The following SAMD12 variants were observed in gnomAD, a reference collection of about 807,000 sequenced individuals.
SAMD12 encodes the protein sterile alpha motif domain-containing protein 12.
Under a neutral mutation model 15.0 loss-of-function variants are expected in SAMD12, and 9 were observed. The ratio of observed to expected loss-of-function variants is 0.60; its 90% CI spans 0.36 to 1.05. SAMD12 has a LOEUF of 1.05. Among genes scored for constraint, SAMD12 ranks in the 50% least tolerant of loss-of-function variants. The pLI is 0.01. For missense variants in SAMD12, 230 were observed against 234.2 expected (o/e 0.98, Z 0.12); for synonymous variants, 86 against 90.1 (o/e 0.96, Z 0.25).
chr8:118,222,932 T>C (rs1026051565), intron 4 of SAMD12, among the ~76,000 whole-genome samples: 1 of 152,148 alleles, frequency 6.6e-6, no homozygotes, highest in Non-Finnish European at 1.5e-5. Context: ...ACAGGTTTAA[T>C]GCACAGGGGC....
At chr8:118,546,289 T>G (rs1752392375) in intron 2 of SAMD12, among the ~76,000 whole-genome samples, 1 of 152,148 alleles carries the variant, frequency 6.6e-6, no homozygotes, top group South Asian at 2.1e-4. Context: ...AGAGGTGGAA[T>G]TGGGAGGGGT....
intron 2 of SAMD12, among the ~76,000 whole-genome samples, chr8:118,451,602 G>C (rs529981614): frequency 6.6e-6 from 1 of 152,324 alleles, no homozygotes; most frequent in African/African-American, 2.4e-5. Flanking sequence ...TTATAGAAAA[G>C]AGAGGGCTGA....
chr8:118,464,918 A>G (rs1388006957), intron 2 of SAMD12, among the ~76,000 whole-genome samples: 2 of 152,164 alleles, frequency 1.3e-5, no homozygotes, highest in Non-Finnish European at 2.9e-5. Flanking sequence ...ACATAAATTA[A>G]TAGATGCTAT....
At chr8:118,360,763 C>T (rs7004575) in intron 4 of SAMD12, among the ~76,000 whole-genome samples, 33,513 of 152,170 alleles carry the variant, frequency 0.22, 4,328 homozygotes, top group African/African-American at 0.34. Context: ...GCATCAGTGC[C>T]AGTTTCTACC....
chr8:118,275,006 A>T (rs77012938), intron 4 of SAMD12, among the ~76,000 whole-genome samples: 6,203 of 152,230 alleles, frequency 0.041, 417 homozygotes, highest in African/African-American at 0.14. Context: ...ATATTATGCT[A>T]TGTTGTGATA....
chr8:118,451,108 G>A (rs892664390), intron 2 of SAMD12, among the ~76,000 whole-genome samples: 1 of 152,138 alleles, frequency 6.6e-6, no homozygotes, highest in Admixed American at 6.5e-5. Flanking sequence ...TGCTTAGAAA[G>A]GTAAAGTAAC....
At chr8:118,193,889 A>C (rs149730044) in exon 5 of SAMD12, 1 of 152,348 alleles carries the variant, frequency 6.6e-6, no homozygotes, top group Admixed American at 6.5e-5. Context: ...TTTTCAAAAG[A>C]GTCTAAGACG....
chr8:118,180,374 T>G, the SAMD12 span, among the ~76,000 whole-genome samples: 28 of 152,280 alleles, frequency 1.8e-4, no homozygotes, highest in Non-Finnish European at 3.8e-4. Flanking sequence ...GCCAAAAATA[T>G]GTAATACAAA....
chr8:118,237,819 T>C (rs1375539710), intron 4 of SAMD12, among the ~76,000 whole-genome samples: 1 of 152,190 alleles, frequency 6.6e-6, no homozygotes. Flanking sequence ...ATCTTGGCAC[T>C]GTTTTCTGCT....
chr8:118,137,664 C>T, the SAMD12 span, among the ~76,000 whole-genome samples: 1 of 152,126 alleles, frequency 6.6e-6, no homozygotes, highest in South Asian at 2.1e-4. Context: ...TGTGCTGTGT[C>T]TTTATGCTCT....
intron 2 of SAMD12, among the ~76,000 whole-genome samples, chr8:118,532,116 T>G (rs1431242896): frequency 6.6e-6 from 1 of 152,218 alleles, no homozygotes; most frequent in Non-Finnish European, 1.5e-5. Context: ...ACACCTAATT[T>G]ATTGAGAGTT....
intron 4 of SAMD12, among the ~76,000 whole-genome samples, chr8:118,255,332 A>G (rs927293468): frequency 3.9e-5 from 6 of 151,980 alleles, no homozygotes; most frequent in Admixed American, 2.6e-4. Flanking sequence ...GACAGCTGCT[A>G]TTAACATTTC....
At chr8:118,384,901 G>C (rs984500488) in intron 3 of SAMD12, among the ~76,000 whole-genome samples, 1 of 152,112 alleles carries the variant, frequency 6.6e-6, no homozygotes, top group African/African-American at 2.4e-5. Context: ...ACCCAGTTCT[G>C]TATTGTTTAG....
At position 118,279,876 on chromosome 8, in the gene SAMD12, T is replaced by C. The variant is rs148318512; in HGVS notation, c.434-82144A>G. Among the ~76,000 whole-genome samples, 989 of 152,316 alleles carry C rather than the reference T, an allele frequency of 6.5e-3. 12 individuals carry two copies. Among genetic ancestry groups the C allele is most frequent in the African/African-American group, 0.023 (937 of 41,564 alleles). On this transcript the variant is annotated intron_variant, in intron 4 of 4. Transcript: ENST00000409003. ...CCTGGCCCAGTGGGATTCACTTTAC[T>C]GAAGAGGTAGTTGGTGAAGTAGGTC...
rs1053680388 is a variant in SAMD12, at chr8:118,458,970, G to A, written c.193-19009C>T. On this transcript the variant is annotated intron_variant, in intron 2 of 3. Transcript: ENST00000314727. ...TATATATGTGTGTGTGTGTGTGTGT[G>A]TGTGTGTGTGTGTGTTTATTCAGTT... is the stretch of plus-strand genomic sequence containing the variant. 4.3e-4 allele frequency among the ~76,000 whole-genome samples: 66 copies of A among 151,900 alleles called. No individual in the cohort carries two copies. The East Asian group carries it at 0.011, about 26-fold the overall frequency.
chr8:118,262,926 T>C (rs1371931571), intron 4 of SAMD12, among the ~76,000 whole-genome samples: 1 of 151,952 alleles, frequency 6.6e-6, no homozygotes, highest in Non-Finnish European at 1.5e-5. Context: ...ATAGAAGAGG[T>C]TTACTTCTTC....
intron 4 of SAMD12, among the ~76,000 whole-genome samples, chr8:118,201,464 A>C (rs183648064): frequency 1.9e-3 from 295 of 152,312 alleles, no homozygotes; most frequent in Non-Finnish European, 3.1e-3. Flanking sequence ...TTACCAAAAA[A>C]CCCACAATGA....
chr8:118,194,865 G>A (rs546483797), exon 5 of SAMD12: 2 of 152,196 alleles, frequency 1.3e-5, no homozygotes, highest in East Asian at 3.9e-4. Context: ...TTTTTTGCTG[G>A]TTTAGCTCTT....
chr8:118,189,611 C>T (rs569286841), exon 5 of SAMD12: 1 of 152,240 alleles, frequency 6.6e-6, no homozygotes, highest in Admixed American at 6.5e-5. Flanking sequence ...AGGCAAACAT[C>T]TGTACAGTTT....
Sources: allele counts gnomAD v4.1 joint callset (sites outside exome capture counted in the v4.1 genomes callset), GRCh38; gene constraint gnomAD v4.1.1; transcripts MANE v1.5; gene names NCBI Gene and HGNC (gene_info 2026-07-23, HGNC 2026-07-21).